Variants in MICAL2 observed in about 807,000 individuals in gnomAD.
MICAL2 encodes the protein microtubule associated monooxygenase, calponin and LIM domain containing 2.
MICAL2 carries 77 observed loss-of-function variants against 127.3 expected under a neutral mutation model. The ratio of observed to expected loss-of-function variants is 0.60; its 90% CI spans 0.50 to 0.73. MICAL2 has a LOEUF of 0.73. Ranked by LOEUF, MICAL2 falls within the 30% of genes least tolerant of loss-of-function variation. MICAL2 has a pLI of 0.00. For synonymous variants in MICAL2, 570 were observed against 551.1 expected (o/e 1.03, Z -0.48); for missense variants, 1,351 against 1,434.4 (o/e 0.94, Z 0.94).
rs757577551 is a variant in MICAL2, at chr11:12,258,514, C to G, written c.3189C>G (p.Ser1063Arg). The change falls in exon 25 of 28, where the codon AGC becomes AGG. Residue 1063 changes from serine (S) to arginine (R), a missense_variant. This residue lies in a region of MICAL2 where 752 missense variants were observed against 719.4 expected (regional missense o/e 1.05). Transcript: ENST00000683283. The part of the protein sequence containing the change: ...KPHFIHCKTN[S>R]KQRKRRAELK... ...ACTTCATTCACTGTAAAACCAATAGCAAACAACGGAAGAGACGGGCAGAGT... is the reference window on the plus strand; with the variant it reads ...ACTTCATTCACTGTAAAACCAATAGGAAACAACGGAAGAGACGGGCAGAGT... 5.6e-6 allele frequency: 9 copies of G among 1,614,022 alleles called. No individual in the cohort carries two copies. In the African/African-American group the frequency reaches 9.3e-5, roughly 17 times the overall value.
At chr11:12,147,855 T>G (rs570199622) in intron 2 of MICAL2, among the ~76,000 whole-genome samples, 1 of 152,344 alleles carries the variant, frequency 6.6e-6, no homozygotes, top group Admixed American at 6.5e-5. Context: ...CTTTTCCTCT[T>G]GAACCTCAGG....
At chr11:12,297,370 T>G (rs903019960) in intron 29 of MICAL2, among the ~76,000 whole-genome samples, 1 of 152,154 alleles carries the variant, frequency 6.6e-6, no homozygotes, top group Non-Finnish European at 1.5e-5. Flanking sequence ...TTCTATTGGT[T>G]TGTTGGGTTT....
At chr11:12,137,992 C>T (rs1213586919) in intron 1 of MICAL2, among the ~76,000 whole-genome samples, 1 of 152,208 alleles carries the variant, frequency 6.6e-6, no homozygotes, top group African/African-American at 2.4e-5. Context: ...ACACTGGGGA[C>T]TTGTTATCCA....
chr11:12,149,317 T>A (rs1227277358), intron 2 of MICAL2, among the ~76,000 whole-genome samples: 2 of 152,156 alleles, frequency 1.3e-5, no homozygotes, highest in African/African-American at 2.4e-5. Flanking sequence ...TTTGTTTTGC[T>A]CCATTAAGAT....
At chr11:12,225,908 C>T (rs1857375403) in intron 13 of MICAL2, 1 of 501,302 alleles carries the variant, frequency 2.0e-6, no homozygotes. Context: ...TAAATGTTCC[C>T]AAGAGGTTTA....
intron 1 of MICAL2, among the ~76,000 whole-genome samples, chr11:12,120,858 T>C (rs560382528): frequency 1.4e-4 from 22 of 152,244 alleles, no homozygotes; most frequent in African/African-American, 4.6e-4. Context: ...GTCAGAGTCA[T>C]CCTTCAGGGC....
At chr11:12,208,235 C>T (rs909623430) in intron 5 of MICAL2, 96 bp downstream of exon 5, 2 of 966,816 alleles carry the variant, frequency 2.1e-6, no homozygotes, top group Middle Eastern at 2.9e-4. Context: ...AGGAGTTATT[C>T]TTACTGGGAG....
intron 11 of MICAL2, 81 bp from the exon 12 acceptor site, chr11:12,223,330 T>TG: frequency 1.6e-6 from 2 of 1,233,264 alleles, no homozygotes; most frequent in South Asian, 1.2e-5. Flanking sequence ...GGCACTGAAT[T>TG]GGGGGTGGGT....
At chr11:12,138,108 C>T (rs898334709) in intron 1 of MICAL2, among the ~76,000 whole-genome samples, 2 of 152,236 alleles carry the variant, frequency 1.3e-5, no homozygotes, top group Non-Finnish European at 1.5e-5. Flanking sequence ...CCGGATCCCT[C>T]CTACTCCTCA....
chr11:12,239,382 C>G, intron 16 of MICAL2, 54 bp from the exon 17 acceptor site: 5 of 1,611,346 alleles, frequency 3.1e-6, no homozygotes. Flanking sequence ...AGTCTGCTTT[C>G]TGATATCCAG....
intron 15 of MICAL2, among the ~76,000 whole-genome samples, chr11:12,232,208 A>G (rs1403844507): frequency 2.0e-5 from 3 of 152,200 alleles, no homozygotes; most frequent in African/African-American, 7.2e-5. Flanking sequence ...TGGCTTGAAC[A>G]CTTGGTTCTG....
At chr11:12,294,145 G>A (rs762764918), downstream of MICAL2, 11 of 1,613,892 alleles carry the variant, frequency 6.8e-6, no homozygotes, top group Admixed American at 1.5e-4. Flanking sequence ...CAGCAGGAGA[G>A]CCCCTGCCAA....
intron 6 of MICAL2, 101 bp from the exon 7 acceptor site, chr11:12,213,154 C>A (rs1328066119): frequency 2.2e-6 from 3 of 1,339,184 alleles, no homozygotes; most frequent in Admixed American, 2.4e-5. Context: ...CCTGGTTTCA[C>A]TGGCCTGGGA....
intron 29 of MICAL2, among the ~76,000 whole-genome samples, chr11:12,311,485 C>T (rs867132098): frequency 2.4e-4 from 37 of 152,238 alleles, no homozygotes; most frequent in African/African-American, 8.7e-4. Flanking sequence ...GATCTTGACT[C>T]ACTGCAACCT....
At position 12,213,118 on chromosome 11, in the gene MICAL2, G is replaced by A. The variant is rs182912406; in HGVS notation, c.692-137G>A. 1.7e-4 allele frequency: 164 copies of A among 987,082 alleles called. 1 individual carries two copies. The highest frequency in any genetic ancestry group is 1.6e-3 in the Admixed American group (61 of 37,426). 61.1% of individuals were successfully genotyped at this position (987,082 alleles called of 1,614,324 possible). A position where few individuals can be genotyped will look rare whatever the true frequency, so the allele number is the denominator to read the frequency against. On this transcript the variant is annotated intron_variant, in intron 6 of 27. Transcript: ENST00000683283. ...GGAGCAAACTTCGGTATTTCTGCCC[G>A]CTCCTGTCCACTAGAGATCCAGAAT... is the stretch of plus-strand genomic sequence containing the variant.
At chr11:12,227,338 G>C (rs1857611503) in intron 15 of MICAL2, 1 of 538,822 alleles carries the variant, frequency 1.9e-6, no homozygotes, top group Admixed American at 3.5e-5. Flanking sequence ...TGACTTCAAA[G>C]TGGTTATAGG....
chr11:12,319,993 T>C (rs888353853), intron 30 of MICAL2, among the ~76,000 whole-genome samples: 1 of 151,986 alleles, frequency 6.6e-6, no homozygotes, highest in Admixed American at 6.6e-5. Context: ...TAAAAAAAAC[T>C]TGTAGAAGTT....
At chr11:12,296,578 G>T (rs1258239159), downstream of MICAL2, among the ~76,000 whole-genome samples, 1 of 149,160 alleles carries the variant, frequency 6.7e-6, no homozygotes, top group Non-Finnish European at 1.5e-5. Context: ...AATTTAATGT[G>T]TTATGCATTT....
At chr11:12,272,226 C>T (rs557813794), upstream of MICAL2, among the ~76,000 whole-genome samples, 8 of 152,284 alleles carry the variant, frequency 5.3e-5, no homozygotes, top group African/African-American at 7.2e-5. Context: ...CACCCGCAGC[C>T]GCCTCATCCT....
Sources: gnomAD v4.1 joint callset for allele counts (sites outside exome capture counted in the v4.1 genomes callset) on GRCh38, gnomAD v4.1.1 for gene constraint, gnomAD v4.1.1 regional missense constraint, MANE v1.5 for transcripts, NCBI Gene and HGNC (gene_info 2026-07-23, HGNC 2026-07-21) for gene names.